Variants in UTP20 observed in about 807,000 individuals in gnomAD.
The protein encoded by UTP20 is UTP20 small subunit processome component.
A neutral mutation model predicts 329.5 loss-of-function variants in UTP20; 164 were observed. The observed-to-expected ratio is 0.50, with a 90% CI of 0.44 to 0.57. UTP20 has a LOEUF of 0.57. Among genes scored for constraint, UTP20 ranks in the 20% least tolerant of loss-of-function variants. The probability of loss-of-function intolerance (pLI) is 0.00; values close to 1 mark genes in which losing one functional copy is unlikely to be tolerated. For missense variants in UTP20, 3,055 were observed against 3,284.2 expected (o/e 0.93, Z 1.71); for synonymous variants, 1,151 against 1,159.3 (o/e 0.99, Z 0.14).
At chr12:101,380,299 G>T (rs1357983167) in intron 57 of UTP20, among the ~76,000 whole-genome samples, 3 of 152,024 alleles carry the variant, frequency 2.0e-5, no homozygotes, top group Non-Finnish European at 4.4e-5. Flanking sequence ...GATCACCTGA[G>T]CCTGGGGAGG....
rs947336100 is a variant in UTP20 at position 101,311,735 on chromosome 12, A to G, written c.2248A>G (p.Met750Val). 14 of 1,612,864 alleles carry G rather than the reference A, an allele frequency of 8.7e-6. No homozygotes were observed. The African/African-American group carries it at 1.6e-4, about 18-fold the overall frequency. Residue 750 changes from methionine (M) to valine (V), a missense_variant, in exon 20 of 62, where the codon ATG becomes GTG. Coordinates refer to ENST00000261637, the MANE Select transcript of UTP20 (RefSeq NM_014503.3). Reference protein sequence around the residue: ...IELISSHAHEMENKQFWKVYY... With the variant: ...IELISSHAHEVENKQFWKVYY... ...TTCCCTTAGTTCTCATGCACACGAA[A>G]TGGAAAATAAGCAATTTTGGAAAGT...
Position 101,312,413 on chromosome 12 carries a change from G to A in UTP20, c.2552+137G>A, listed in dbSNP as rs1338009500. On this transcript the variant is annotated intron_variant, in intron 21 of 61. Coordinates refer to ENST00000261637, the MANE Select transcript of UTP20 (RefSeq NM_014503.3). ...TGCTTCCAATCATCCATTAGGCTGA[G>A]GTATTTTTTGTTTGTTTGTTTTTGT... The A allele has an allele frequency of 3.2e-6, 4 of 1,263,946 alleles. No homozygotes were observed. The East Asian group carries it at 7.3e-5, about 23-fold the overall frequency. 78.3% of individuals were successfully genotyped at this position (1,263,946 alleles called of 1,614,324 possible). A position where few individuals can be genotyped will look rare whatever the true frequency, so the allele number is the denominator to read the frequency against.
At position 101,299,794 on chromosome 12, in the gene UTP20, C is replaced by G; in HGVS notation, c.1543C>G (p.Leu515Val). The stretch of plus-strand genomic sequence containing the variant: ...ACCCCCAAATAAAGATACTACTTAC[C>G]TTTCACAATCTTGGGCAGCCCTCGT... Reference protein sequence around the residue: ...KLPPNKDTTYLSQSWAALVVL... With the variant: ...KLPPNKDTTYVSQSWAALVVL... Residue 515 changes from leucine to valine, a missense_variant, in exon 13 of 62, where the codon CTT becomes GTT. Physicochemically the swap from Leu to Val is conservative, Grantham distance 32. Transcript: ENST00000261637. 2 of 1,612,538 alleles carry G rather than the reference C, an allele frequency of 1.2e-6. No individual in the cohort carries two copies. Among genetic ancestry groups the G allele is most frequent in the Non-Finnish European group, 1.7e-6 (2 of 1,179,520 alleles).
intron 60 of UTP20, among the ~76,000 whole-genome samples, chr12:101,384,149 ATAGAT>A (rs1349209314): frequency 1.3e-5 from 2 of 152,238 alleles, no homozygotes; most frequent in African/African-American, 2.4e-5. Context: ...TATCCTCAAC[ATAGAT>A]TAAATAGTCA....
intron 47 of UTP20, among the ~76,000 whole-genome samples, chr12:101,367,597 C>T (rs970619153): frequency 2.4e-4 from 36 of 152,138 alleles, no homozygotes; most frequent in Admixed American, 2.2e-3. Flanking sequence ...CCATATCCTG[C>T]GTACTGAGCC....
intron 49 of UTP20, 113 bp downstream of exon 49, chr12:101,370,004 A>C: frequency 9.5e-7 from 1 of 1,050,544 alleles, no homozygotes; most frequent in Non-Finnish European, 1.4e-6. Flanking sequence ...ACTTGAGCCT[A>C]AGAGTTCAAG....
intron 43 of UTP20, among the ~76,000 whole-genome samples, chr12:101,357,851 C>G (rs1869776243): frequency 6.6e-6 from 1 of 152,188 alleles, no homozygotes; most frequent in Non-Finnish European, 1.5e-5. Context: ...CCTGGACAGA[C>G]AGTATCAGCA....
At chr12:101,339,220 G>A (rs1176599343) in intron 31 of UTP20, among the ~76,000 whole-genome samples, 2 of 152,162 alleles carry the variant, frequency 1.3e-5, no homozygotes, top group African/African-American at 2.4e-5. Context: ...GACTGAGGCA[G>A]GAGAATGGCT....
At chr12:101,338,398 T>A in intron 30 of UTP20, 121 bp downstream of exon 30, 1 of 958,358 alleles carries the variant, frequency 1.0e-6, no homozygotes, top group Non-Finnish European at 1.6e-6. Flanking sequence ...AAGTTTCTTT[T>A]CCCTGGGAAC....
At chr12:101,320,771 T>C in intron 23 of UTP20, 81 bp from the exon 24 acceptor site, 2 of 1,251,948 alleles carry the variant, frequency 1.6e-6, no homozygotes, top group South Asian at 3.5e-5. Context: ...AAATCTCATT[T>C]AGCAAATAAC....
At chr12:101,316,305 T>C (rs1198575823) in intron 21 of UTP20, among the ~76,000 whole-genome samples, 1 of 152,214 alleles carries the variant, frequency 6.6e-6, no homozygotes, top group Non-Finnish European at 1.5e-5. Context: ...TTATGGATGC[T>C]TTGTGTGAAT....
chr12:101,375,851 A>G, intron 56 of UTP20, 95 bp downstream of exon 56: 1 of 755,882 alleles, frequency 1.3e-6, no homozygotes, highest in Non-Finnish European at 2.1e-6. Context: ...TACTTCAGAA[A>G]GTATACAATG....
intron 27 of UTP20, among the ~76,000 whole-genome samples, chr12:101,330,370 G>A (rs1325919345): frequency 6.6e-6 from 1 of 152,200 alleles, no homozygotes; most frequent in Non-Finnish European, 1.5e-5. Flanking sequence ...GTCATGTAAG[G>A]TGAGGATGAA....
chr12:101,361,628 A>AAAATAAAT (rs60016529), intron 43 of UTP20, among the ~76,000 whole-genome samples: 155 of 139,154 alleles, frequency 1.1e-3, no homozygotes, highest in African/African-American at 2.5e-3. Flanking sequence ...CTCTGTCTCA[A>AAAATAAAT]AAATAAATAA....
At position 101,321,548 on chromosome 12, in the gene UTP20, A is replaced by C; in HGVS notation, c.2960A>C (p.Glu987Ala). The part of the protein sequence containing the change: ...RLLEDRSFKE[E>A]IVHFSISEDN... ...CTTGAAGACAGAAGCTTTAAGGAAG[A>C]GATAGTGCATTTTAGCATTTCAGAA... is the stretch of plus-strand genomic sequence containing the variant. The change falls in exon 25 of 62, where the codon GAG becomes GCG. Residue 987 changes from glutamate (E) to alanine (A), a missense_variant. Coordinates refer to ENST00000261637, the MANE Select transcript of UTP20 (RefSeq NM_014503.3). 6.2e-7 allele frequency: 1 copy of C among 1,613,674 alleles called. No homozygotes were observed. Among genetic ancestry groups the C allele is most frequent in the Non-Finnish European group, 8.5e-7 (1 of 1,179,758 alleles).
intron 35 of UTP20, among the ~76,000 whole-genome samples, chr12:101,343,685 G>A (rs1565799323): frequency 6.6e-6 from 1 of 152,020 alleles, no homozygotes; most frequent in Non-Finnish European, 1.5e-5. Context: ...CCTAATTTTT[G>A]CATTTTATTA....
At chr12:101,352,890 T>A (rs1869582609) in intron 39 of UTP20, among the ~76,000 whole-genome samples, 157 bp from the exon 40 acceptor site, 1 of 152,110 alleles carries the variant, frequency 6.6e-6, no homozygotes, top group Admixed American at 6.5e-5. Flanking sequence ...AATTTACTTT[T>A]ATCTTGTATT....
intron 43 of UTP20, among the ~76,000 whole-genome samples, chr12:101,357,296 G>T (rs1436137990): frequency 6.6e-6 from 1 of 152,094 alleles, no homozygotes; most frequent in Non-Finnish European, 1.5e-5. Flanking sequence ...ATAGGCCTGG[G>T]TTACATGACC....
chr12:101,298,969 A>G (rs181742226), intron 12 of UTP20, among the ~76,000 whole-genome samples: 22 of 151,682 alleles, frequency 1.5e-4, no homozygotes, highest in African/African-American at 4.1e-4. Flanking sequence ...TTCCACTTCT[A>G]TTGCATAACA....
Sources: allele counts gnomAD v4.1 joint callset (sites outside exome capture counted in the v4.1 genomes callset), GRCh38; gene constraint gnomAD v4.1.1; transcripts MANE v1.5; gene names NCBI Gene and HGNC (gene_info 2026-07-23, HGNC 2026-07-21).